The following ELAVL4 variants were observed in gnomAD, a reference collection of about 807,000 sequenced individuals.
ELAVL4 encodes ELAV-like protein 4.
ELAVL4 carries 1 observed loss-of-function variant against 35.6 expected under a neutral mutation model. That is an observed-to-expected ratio of 0.03 (90% confidence interval 0.01 to 0.13). The LOEUF (loss-of-function observed/expected upper bound fraction) is 0.13, where lower values mean the gene tolerates loss of function less well. Ranked by LOEUF, ELAVL4 falls within the 10% of genes least tolerant of loss-of-function variation. The pLI is 1.00. For synonymous variants in ELAVL4, 156 were observed against 171.0 expected (o/e 0.91, Z 0.69); for missense variants, 267 against 464.9 (o/e 0.57, Z 3.91).
At chr1:50,175,666 A>G (rs1679895209) in intron 2 of ELAVL4, 1 of 152,182 alleles carries the variant, frequency 6.6e-6, no homozygotes, top group Non-Finnish European at 1.5e-5. Flanking sequence ...CTTTCTTGTG[A>G]TTCTCTTTGC....
chr1:50,112,319 A>T (rs1667209688), intron 1 of ELAVL4, among the ~76,000 whole-genome samples: 1 of 152,010 alleles, frequency 6.6e-6, no homozygotes, highest in Admixed American at 6.6e-5. Flanking sequence ...ATTTTTAGTT[A>T]GGGGAAAATA....
chr1:50,115,293 G>A (rs1667758402), intron 1 of ELAVL4: 1 of 152,068 alleles, frequency 6.6e-6, no homozygotes, highest in South Asian at 2.1e-4. Context: ...AATAAATTTT[G>A]GTTGAGAAAG....
chr1:50,108,271 G>A (rs1019752715), upstream of ELAVL4, among the ~76,000 whole-genome samples: 4 of 152,020 alleles, frequency 2.6e-5, no homozygotes, highest in African/African-American at 9.7e-5. Context: ...ATAGTTTTCT[G>A]AGACAAACTT....
intron 3 of ELAVL4, among the ~76,000 whole-genome samples, chr1:50,192,320 C>A (rs897968369): frequency 1.3e-5 from 2 of 152,118 alleles, no homozygotes; most frequent in African/African-American, 4.8e-5. Flanking sequence ...CATAAAGGGA[C>A]CTGGCATGTC....
At chr1:50,116,497 T>A (rs1572236570) in intron 1 of ELAVL4, among the ~76,000 whole-genome samples, 1 of 152,106 alleles carries the variant, frequency 6.6e-6, no homozygotes, top group Non-Finnish European at 1.5e-5. Flanking sequence ...AATAATGGCT[T>A]CTAAAGTACT....
chr1:50,168,615 G>T (rs952548248), intron 2 of ELAVL4, among the ~76,000 whole-genome samples: 1 of 152,080 alleles, frequency 6.6e-6, no homozygotes, highest in South Asian at 2.1e-4. Flanking sequence ...GCTTCATTAT[G>T]TTCCTTGGTT....
At chr1:50,157,178 A>G (rs897804041) in intron 2 of ELAVL4, among the ~76,000 whole-genome samples, 1 of 152,186 alleles carries the variant, frequency 6.6e-6, no homozygotes, top group African/African-American at 2.4e-5. Context: ...TGGTAACATG[A>G]TAAAGTGGAA....
chr1:50,069,797 C>T (rs1381789151), intron 1 of ELAVL4, among the ~76,000 whole-genome samples: 2 of 152,182 alleles, frequency 1.3e-5, no homozygotes, highest in Non-Finnish European at 2.9e-5. Context: ...GACAGCCTGA[C>T]CCCAGAACCC....
At position 50,125,422 on chromosome 1, in the gene ELAVL4, G is replaced by A. The variant is rs12036470; in HGVS notation, c.9+16224G>A. On this transcript the variant is annotated intron_variant, in intron 1 of 6. Transcript: ENST00000371824. ...GTGCCTTGCTTCTGCTTGATGAGCT[G>A]GAACCGTCAATGCCCTACTCTGAAA... Among the ~76,000 whole-genome samples the A allele has an allele frequency of 5.9e-5, 9 of 151,902 alleles. No homozygotes were observed. In the East Asian group the frequency reaches 1.6e-3, roughly 26 times the overall value.
At chr1:50,138,108 C>T (rs138788809) in intron 1 of ELAVL4, among the ~76,000 whole-genome samples, 246 of 152,288 alleles carry the variant, frequency 1.6e-3, no homozygotes, top group Middle Eastern at 3.4e-3. Flanking sequence ...TGCCAACATG[C>T]TTAATTAACA....
At chr1:50,061,661 C>T (rs1663983308) in intron 1 of ELAVL4, among the ~76,000 whole-genome samples, 1 of 152,180 alleles carries the variant, frequency 6.6e-6, no homozygotes, top group African/African-American at 2.4e-5. Flanking sequence ...TGACAGTCTC[C>T]AGTTGCAGTG....
chr1:50,086,144 G>A (rs914574841), intron 1 of ELAVL4, among the ~76,000 whole-genome samples: 2 of 151,858 alleles, frequency 1.3e-5, no homozygotes, highest in African/African-American at 4.8e-5. Flanking sequence ...TAGACTTCCT[G>A]AAGTTTTAAA....
At chr1:50,193,367 T>TG (rs1682962738) in intron 3 of ELAVL4, among the ~76,000 whole-genome samples, 1 of 2,380 alleles carries the variant, frequency 4.2e-4, no homozygotes, top group Non-Finnish European at 3.7e-3. Flanking sequence ...TTTCATGAGG[T>TG]TTTTTTTTTT....
At chr1:50,087,691 G>T (rs181599309) in intron 1 of ELAVL4, among the ~76,000 whole-genome samples, 1 of 152,094 alleles carries the variant, frequency 6.6e-6, no homozygotes, top group African/African-American at 2.4e-5. Context: ...GTTAAATGAG[G>T]TTATAAGGGT....
chr1:50,097,999 C>T (rs1665790005), intron 1 of ELAVL4, among the ~76,000 whole-genome samples: 1 of 152,114 alleles, frequency 6.6e-6, no homozygotes, highest in Non-Finnish European at 1.5e-5. Flanking sequence ...ATGATGTAAG[C>T]ATTTCAAAAT....
chr1:50,150,246 C>T (rs1674539730), intron 2 of ELAVL4, among the ~76,000 whole-genome samples: 1 of 152,166 alleles, frequency 6.6e-6, no homozygotes. Flanking sequence ...ACAACATTTC[C>T]TAAACACCAC....
chr1:50,140,073 G>A (rs953143716), intron 1 of ELAVL4, among the ~76,000 whole-genome samples: 7 of 152,132 alleles, frequency 4.6e-5, no homozygotes, highest in Admixed American at 1.3e-4. Flanking sequence ...ATTAGAGTTC[G>A]AAGTCAACTG....
intron 1 of ELAVL4, among the ~76,000 whole-genome samples, chr1:50,084,565 C>T (rs1665152745): frequency 6.6e-6 from 1 of 152,168 alleles, no homozygotes; most frequent in African/African-American, 2.4e-5. Context: ...GCCTCCCTCC[C>T]TGCCTTCATC....
chr1:50,134,458 A>G (rs1036180583), intron 1 of ELAVL4, among the ~76,000 whole-genome samples: 11 of 152,274 alleles, frequency 7.2e-5, no homozygotes, highest in Admixed American at 5.9e-4. Flanking sequence ...AGAGATTATT[A>G]TTAGGCATTT....
Sources: gnomAD v4.1 joint callset for allele counts (sites outside exome capture counted in the v4.1 genomes callset) on GRCh38, gnomAD v4.1.1 for gene constraint, MANE v1.5 for transcripts, NCBI Gene and HGNC (gene_info 2026-07-23, HGNC 2026-07-21) for gene names.